MREG: variants seen among roughly 807,000 people sequenced by gnomAD.
The protein encoded by MREG is dilute suppressor protein homolog.
In MREG, 31 loss-of-function variants were observed where a neutral mutation model predicts 28.5. That is an observed-to-expected ratio of 1.09 (90% confidence interval 0.82 to 1.47). The LOEUF is 1.47. Among genes scored for constraint, MREG ranks in the 40% most tolerant of loss-of-function variants. The pLI, the probability that MREG is intolerant of heterozygous loss-of-function variation, is 0.00. For missense variants in MREG, 256 were observed against 257.4 expected (o/e 0.99, Z 0.04); for synonymous variants, 106 against 95.2 (o/e 1.11, Z -0.66).
intron 1 of MREG, among the ~76,000 whole-genome samples, chr2:216,009,443 G>A (rs866991133): frequency 3.3e-5 from 5 of 151,938 alleles, no homozygotes; most frequent in African/African-American, 4.8e-5. Context: ...AAGATCCTTC[G>A]GTGCATGACA....
At chr2:215,951,107 G>A (rs1052845535) in intron 2 of MREG, among the ~76,000 whole-genome samples, 25 of 151,986 alleles carry the variant, frequency 1.6e-4, no homozygotes, top group African/African-American at 6.0e-4. Context: ...AGGCCTCCCA[G>A]CCATGCTTCC....
In MREG at chr2:216,012,246, C is replaced by T. The variant is rs541499503; in HGVS notation, c.95+987G>A. Among the ~76,000 whole-genome samples the T allele has an allele frequency of 1.1e-4, 16 of 152,250 alleles. No homozygotes were observed. The South Asian group carries it at 3.3e-3, about 32-fold the overall frequency. On this transcript the variant is annotated intron_variant, in intron 1 of 4. Coordinates refer to ENST00000263268, the MANE Select transcript of MREG (RefSeq NM_018000.3). ...GGAGCCAATGAGTGGATTATTCCCA[C>T]GGCCGCAAGGAGTGTACACTGTTTA... is the stretch of plus-strand genomic sequence containing the variant.
chr2:215,998,064 G>C (rs959838880), intron 1 of MREG, among the ~76,000 whole-genome samples: 2 of 152,146 alleles, frequency 1.3e-5, no homozygotes, highest in Admixed American at 1.3e-4. Flanking sequence ...CAACACTTTG[G>C]GAGGCTGAGG....
At chr2:215,998,227 C>T (rs942310207) in intron 1 of MREG, among the ~76,000 whole-genome samples, 1 of 151,434 alleles carries the variant, frequency 6.6e-6, no homozygotes, top group Non-Finnish European at 1.5e-5. Flanking sequence ...ATCGCTTGAA[C>T]CGGGGAGGCA....
At chr2:215,998,976 T>C (rs1380699471) in intron 1 of MREG, among the ~76,000 whole-genome samples, 1 of 152,120 alleles carries the variant, frequency 6.6e-6, no homozygotes, top group Non-Finnish European at 1.5e-5. Flanking sequence ...TTATGTATGA[T>C]GAGAAGGAAG....
intron 2 of MREG, among the ~76,000 whole-genome samples, chr2:215,959,839 A>T (rs1692730235): frequency 6.6e-6 from 1 of 152,232 alleles, no homozygotes; most frequent in Non-Finnish European, 1.5e-5. Context: ...GGCTCAGCTC[A>T]AATGCCACCA....
intron 2 of MREG, among the ~76,000 whole-genome samples, chr2:215,979,467 AAATAATAATAAT>A (rs201080423): frequency 0.061 from 8,130 of 132,416 alleles, 383 homozygotes; most frequent in East Asian, 0.19. Flanking sequence ...CCATCTCAAA[AAATAATAATAAT>A]AATAATAATA....
intron 2 of MREG, among the ~76,000 whole-genome samples, chr2:215,984,266 C>G (rs369332994): frequency 5.9e-5 from 9 of 152,218 alleles, no homozygotes; most frequent in African/African-American, 2.2e-4. Context: ...ATTACCTCCC[C>G]CCATGTCCAT....
chr2:216,025,616 A>G (rs546518979), intron 1 of MREG, among the ~76,000 whole-genome samples: 148 of 152,250 alleles, frequency 9.7e-4, no homozygotes, highest in Non-Finnish European at 1.1e-3. Flanking sequence ...TGTCCCCTCC[A>G]TGACAATCAG....
chr2:216,012,012 C>T (rs1039434966), intron 1 of MREG, among the ~76,000 whole-genome samples: 3 of 152,134 alleles, frequency 2.0e-5, no homozygotes, highest in African/African-American at 7.2e-5. Context: ...GTGTGTATGA[C>T]TTTATATATA....
chr2:216,007,742 C>T (rs202002007), intron 1 of MREG, among the ~76,000 whole-genome samples: 1 of 148,924 alleles, frequency 6.7e-6, no homozygotes, highest in Non-Finnish European at 1.5e-5. Flanking sequence ...CACTTAGCGG[C>T]TTTTTTTTTG....
chr2:215,984,569 A>C (rs532649302), intron 2 of MREG, among the ~76,000 whole-genome samples: 25 of 151,684 alleles, frequency 1.6e-4, no homozygotes, highest in Non-Finnish European at 2.8e-4. Flanking sequence ...GGAGAGTCAA[A>C]ATGTGAAAGC....
At chr2:215,973,204 G>T (rs1014830971) in intron 2 of MREG, among the ~76,000 whole-genome samples, 3 of 152,120 alleles carry the variant, frequency 2.0e-5, no homozygotes, top group African/African-American at 7.2e-5. Flanking sequence ...CACCTTGCTG[G>T]TTACAAATAC....
chr2:215,939,404 A>C (rs1249939363), downstream of MREG: 1 of 152,200 alleles, frequency 6.6e-6, no homozygotes, highest in Admixed American at 6.5e-5. Context: ...CTAAACGTAC[A>C]ATTGTTATTG....
downstream of MREG, among the ~76,000 whole-genome samples, chr2:215,941,323 G>A (rs116802870): frequency 2.9e-3 from 436 of 152,304 alleles, no homozygotes; most frequent in African/African-American, 0.01. Context: ...TCGACAGGCA[G>A]ACTACCATTG....
In MREG at chr2:215,974,363, G is replaced by A. The variant is rs190755721; in HGVS notation, c.255+21943C>T. On this transcript the variant is annotated intron_variant, in intron 2 of 4. Coordinates refer to ENST00000263268, the MANE Select transcript of MREG (RefSeq NM_018000.3). ...CTCAGCCCACATCAGAACTGGGCAG[G>A]TGCTCCCATTTCCCCACATATTCAA... is the stretch of plus-strand genomic sequence containing the variant. 2.2e-4 allele frequency among the ~76,000 whole-genome samples: 34 copies of A among 152,262 alleles called. No individual in the cohort carries two copies. The East Asian group carries it at 5.6e-3, about 25-fold the overall frequency.
intron 1 of MREG, among the ~76,000 whole-genome samples, chr2:216,010,545 G>A (rs1042695158): frequency 1.3e-5 from 2 of 150,632 alleles, no homozygotes. Context: ...TTTTAGTAGA[G>A]ACGGGGTTTC....
chr2:216,014,648 C>A (rs1180562273), upstream of MREG, among the ~76,000 whole-genome samples: 60 of 135,506 alleles, frequency 4.4e-4, no homozygotes, highest in South Asian at 4.8e-4. Flanking sequence ...GACTCCGTCT[C>A]AAAAAAAAAA....
rs1694373992 is a variant in MREG, at chr2:216,013,464, C to A, written c.-137G>T. On this transcript the variant is annotated 5_prime_UTR_variant, in exon 1 of 5. Coordinates refer to ENST00000263268, the MANE Select transcript of MREG (RefSeq NM_018000.3). ...AGCCCGGGCGTCGCGGGCTGGTCCG[C>A]GCGCATCACGCCGCGGCCGGGGACG... 2 of 347,366 alleles carry A rather than the reference C, an allele frequency of 5.8e-6. No individual in the cohort carries two copies. Among genetic ancestry groups the A allele is most frequent in the African/African-American group, 2.2e-5 (1 of 45,454 alleles). The allele number at this position is 347,366 out of a possible 1,614,324, so 21.5% of individuals were successfully genotyped here.
Sources: gnomAD v4.1 joint callset for allele counts (sites outside exome capture counted in the v4.1 genomes callset) on GRCh38, gnomAD v4.1.1 for gene constraint, MANE v1.5 for transcripts, NCBI Gene and HGNC (gene_info 2026-07-23, HGNC 2026-07-21) for gene names.